CPED1: variants seen among roughly 807,000 people sequenced by gnomAD.
The protein encoded by CPED1 is cadherin-like and PC-esterase domain-containing protein 1.
Under a neutral mutation model 128.2 loss-of-function variants are expected in CPED1, and 114 were observed. That is an observed-to-expected ratio of 0.89 (90% CI 0.76 to 1.04). CPED1 has a LOEUF of 1.04. Among genes scored for constraint, CPED1 ranks in the 50% least tolerant of loss-of-function variants. The pLI is 0.00. For synonymous variants in CPED1, 462 were observed against 426.7 expected, an observed-to-expected ratio of 1.08 and a Z score of -1.02; for missense variants, 1,211 against 1,207.1, an observed-to-expected ratio of 1.00 and a Z score of -0.05.
At chr7:121,172,628 G>C (rs932623884) in intron 16 of CPED1, among the ~76,000 whole-genome samples, 5 of 151,686 alleles carry the variant, frequency 3.3e-5, no homozygotes, top group African/African-American at 7.3e-5. Context: ...ATGGAGGAAT[G>C]GTTGGGTGGG....
chr7:121,054,878 T>C (rs1414378874), intron 4 of CPED1, among the ~76,000 whole-genome samples: 1 of 152,184 alleles, frequency 6.6e-6, no homozygotes. Flanking sequence ...TTATTTTCTG[T>C]CCCTATTGTT....
intron 7 of CPED1, among the ~76,000 whole-genome samples, chr7:121,111,851 CTT>C (rs1315545856): frequency 2.6e-5 from 4 of 152,198 alleles, no homozygotes; most frequent in Non-Finnish European, 5.9e-5. Context: ...AATCAGTCAG[CTT>C]TTGCAGAGCA....
chr7:121,256,279 C>T (rs902751331), intron 18 of CPED1, among the ~76,000 whole-genome samples: 2 of 152,002 alleles, frequency 1.3e-5, no homozygotes, highest in Admixed American at 1.3e-4. Flanking sequence ...GATAAAGCTG[C>T]ATATCTACAA....
chr7:121,065,958 G>A (rs150073147), intron 5 of CPED1, among the ~76,000 whole-genome samples: 121 of 152,128 alleles, frequency 8.0e-4, no homozygotes, highest in African/African-American at 2.7e-3. Flanking sequence ...TTAAAGAAAT[G>A]TCTGCAGCAT....
chr7:121,259,730 G>T (rs12536771), intron 18 of CPED1, among the ~76,000 whole-genome samples: 2,342 of 152,050 alleles, frequency 0.015, 67 homozygotes, highest in African/African-American at 0.053. Flanking sequence ...AATTAAACAA[G>T]CCTTTATTTT....
chr7:121,225,485 T>C (rs1797984031), intron 16 of CPED1, among the ~76,000 whole-genome samples: 1 of 152,128 alleles, frequency 6.6e-6, no homozygotes, highest in South Asian at 2.1e-4. Context: ...GGAGTATCTT[T>C]GTGGTGATCT....
intron 3 of CPED1, among the ~76,000 whole-genome samples, chr7:121,036,234 G>A (rs1792882509): frequency 6.6e-6 from 1 of 152,040 alleles, no homozygotes; most frequent in Non-Finnish European, 1.5e-5. Flanking sequence ...CCCAAGCAGT[G>A]TATACTGTAC....
At chr7:121,123,433 A>G (rs561110548) in intron 7 of CPED1, among the ~76,000 whole-genome samples, 1 of 152,256 alleles carries the variant, frequency 6.6e-6, no homozygotes, top group East Asian at 1.9e-4. Flanking sequence ...CATTAATAGA[A>G]TACCTGCTGC....
intron 3 of CPED1, among the ~76,000 whole-genome samples, chr7:121,020,943 A>G (rs1032720892): frequency 2.0e-5 from 3 of 151,986 alleles, no homozygotes; most frequent in East Asian, 1.9e-4. Flanking sequence ...AGTAGATGTC[A>G]TATCTTGGTT....
At chr7:121,035,788 G>A (rs1585031166) in intron 3 of CPED1, among the ~76,000 whole-genome samples, 2 of 152,042 alleles carry the variant, frequency 1.3e-5, no homozygotes. Context: ...AGCTGTGATC[G>A]CACCACTGCA....
chr7:121,261,314 C>T (rs74804518), intron 18 of CPED1, among the ~76,000 whole-genome samples: 19 of 152,190 alleles, frequency 1.2e-4, no homozygotes, highest in Non-Finnish European at 2.2e-4. Flanking sequence ...TCAGGCATCA[C>T]ACAAAGTAAA....
intron 8 of CPED1, among the ~76,000 whole-genome samples, chr7:121,125,294 T>A (rs910935303): frequency 1.3e-5 from 2 of 152,078 alleles, no homozygotes; most frequent in African/African-American, 4.8e-5. Context: ...GAATATAGTT[T>A]TTATTATTAT....
chr7:121,132,952 A>G (rs1795707030), intron 12 of CPED1, among the ~76,000 whole-genome samples: 1 of 152,088 alleles, frequency 6.6e-6, no homozygotes, highest in Non-Finnish European at 1.5e-5. Flanking sequence ...GCTGATGTTT[A>G]TATTTGGAGC....
chr7:121,121,039 T>C (rs1795373486), intron 7 of CPED1, among the ~76,000 whole-genome samples: 1 of 150,840 alleles, frequency 6.6e-6, no homozygotes, highest in East Asian at 1.9e-4. Context: ...TTGGCAAGTT[T>C]AACACAGAAC....
rs1363188880 is a variant in CPED1 at position 121,214,397 on chromosome 7, ATTC to A, written c.2056-22315_2056-22313del. On this transcript the variant is annotated intron_variant, in intron 16 of 22. Coordinates refer to ENST00000310396, the MANE Select transcript of CPED1 (RefSeq NM_024913.5). ...AACCTCCGCCTCACAAGATCAAGGGATTCTCGTGCCTTAGCCTCTGGAGTAGCT... is the reference window on the plus strand; with the variant it reads ...AACCTCCGCCTCACAAGATCAAGGGATCGTGCCTTAGCCTCTGGAGTAGCT... Among the ~76,000 whole-genome samples the A allele has an allele frequency of 2.0e-5, 3 of 151,988 alleles. 1 individual carries two copies. The highest frequency in any genetic ancestry group is 7.2e-5 in the African/African-American group (3 of 41,380).
chr7:121,235,942 A>G (rs191912074), intron 16 of CPED1, among the ~76,000 whole-genome samples: 1 of 152,118 alleles, frequency 6.6e-6, no homozygotes, highest in African/African-American at 2.4e-5. Context: ...ACACGCCCTA[A>G]ATTGTGATAG....
intron 16 of CPED1, among the ~76,000 whole-genome samples, chr7:121,219,068 C>T (rs1467420771): frequency 1.3e-5 from 2 of 152,040 alleles, no homozygotes; most frequent in Admixed American, 1.3e-4. Flanking sequence ...ACAGATCCAA[C>T]ACTATATTTC....
At chr7:121,274,800 A>G (rs1168328499) in intron 22 of CPED1, among the ~76,000 whole-genome samples, 1 of 152,164 alleles carries the variant, frequency 6.6e-6, no homozygotes, top group Non-Finnish European at 1.5e-5. Context: ...AGCTTATTAC[A>G]AACAATCCAA....
At position 121,124,471 on chromosome 7, in the gene CPED1, T is replaced by C. The variant is rs1433225709; in HGVS notation, c.1059T>C (p.His353=). ...ETSTLGPKTF[H]RCRFCFQLLT... is the part of the protein sequence containing the mutation. ...CTACTCTGGGACCAAAGACCTTCCATAGGTAAAAAACAAATTTTAATTTAA... is the reference window on the plus strand; with the variant it reads ...CTACTCTGGGACCAAAGACCTTCCACAGGTAAAAAACAAATTTTAATTTAA... Residue 353 remains histidine, a splice_region_variant and synonymous_variant, in exon 8 of 23, where the codon CAT becomes CAC. Transcript: ENST00000310396. 2.7e-6 allele frequency: 4 copies of C among 1,463,462 alleles called. No individual in the cohort carries two copies. In the South Asian group the frequency reaches 4.5e-5, roughly 17 times the overall value. 90.7% of individuals were successfully genotyped at this position (1,463,462 alleles called of 1,614,324 possible).
Sources: gnomAD v4.1 joint callset for allele counts (sites outside exome capture counted in the v4.1 genomes callset) on GRCh38, gnomAD v4.1.1 for gene constraint, MANE v1.5 for transcripts, NCBI Gene and HGNC (gene_info 2026-07-23, HGNC 2026-07-21) for gene names.